Variants in GMPS observed in about 807,000 individuals in gnomAD.
The protein encoded by GMPS is guanosine monophosphate synthase.
Under a neutral mutation model 77.9 loss-of-function variants are expected in GMPS, and 15 were observed. That is an observed-to-expected ratio of 0.19 (90% CI 0.13 to 0.30). The LOEUF (loss-of-function observed/expected upper bound fraction) is 0.30, where lower values mean the gene tolerates loss of function less well. Ranked by LOEUF, GMPS falls within the 10% of genes least tolerant of loss-of-function variation. The pLI is 1.00. For synonymous variants in GMPS, 224 were observed against 275.9 expected, an observed-to-expected ratio of 0.81 and a Z score of 1.86; for missense variants, 590 against 838.8, an observed-to-expected ratio of 0.70 and a Z score of 3.66.
At chr3:155,898,134 G>C (rs552402087) in intron 3 of GMPS, 93 bp downstream of exon 3, 3 of 751,788 alleles carry the variant, frequency 4.0e-6, no homozygotes, top group Non-Finnish European at 7.3e-6. Flanking sequence ...AGGATATTTA[G>C]GATACTTAGT....
intron 1 of GMPS, among the ~76,000 whole-genome samples, chr3:155,880,092 T>C (rs1560035451): frequency 2.0e-5 from 3 of 152,180 alleles, no homozygotes; most frequent in Non-Finnish European, 4.4e-5. Context: ...GCTTAATTTA[T>C]TTCTTCTTTT....
rs1055155951 is a variant in GMPS, at chr3:155,936,281, T to G, written c.1808-57T>G. The G allele has an allele frequency of 2.8e-6, 3 of 1,064,848 alleles. No homozygotes were observed. The Admixed American group carries it at 5.3e-5, about 19-fold the overall frequency. The allele number at this position is 1,064,848 out of a possible 1,614,324, so 66.0% of individuals were successfully genotyped here. A position where few individuals can be genotyped will look rare whatever the true frequency, so the allele number is the denominator to read the frequency against. On this transcript the variant is annotated intron_variant, in intron 14 of 15. Transcript: ENST00000496455. ...ATTGCCTGGGAGGATTTAATTGAAC[T>G]GAGTTAGAGTGCTTTTCTATGGTGT...
intron 7 of GMPS, among the ~76,000 whole-genome samples, chr3:155,911,599 G>A (rs1323096330): frequency 6.6e-6 from 1 of 152,132 alleles, no homozygotes; most frequent in Non-Finnish European, 1.5e-5. Context: ...CACTTAGGGA[G>A]ATCAAGGTGG....
rs745840280 is a variant in GMPS, at chr3:155,897,907, G to C, written c.210-20G>C. ...TAAAAATTAACAGAGATTCTTCACT[G>C]ATTGTTCCTTAAATCACAGTGCTAT... On this transcript the variant is annotated intron_variant, in intron 2 of 15. Transcript: ENST00000496455. 3 of 1,164,218 alleles carry C rather than the reference G, an allele frequency of 2.6e-6. No homozygotes were observed. The African/African-American group carries it at 4.5e-5, about 18-fold the overall frequency. The allele number at this position is 1,164,218 out of a possible 1,614,324, so 72.1% of individuals were successfully genotyped here.
chr3:155,910,210 G>A (rs943454196), intron 5 of GMPS, among the ~76,000 whole-genome samples: 2 of 152,150 alleles, frequency 1.3e-5, no homozygotes, highest in Non-Finnish European at 2.9e-5. Flanking sequence ...TCGCACCGCT[G>A]CACTCCAGCC....
chr3:155,892,218 T>C (rs1361881798), intron 1 of GMPS, among the ~76,000 whole-genome samples: 1 of 152,196 alleles, frequency 6.6e-6, no homozygotes, highest in Admixed American at 6.5e-5. Context: ...ATACTCTTCC[T>C]TTTTTATACA....
In GMPS at chr3:155,941,550, G is replaced by T; in HGVS notation, c.*3858G>T. 4.5e-6 allele frequency: 1 copy of T among 220,474 alleles called. No individual in the cohort carries two copies. Among genetic ancestry groups the T allele is most frequent in the Non-Finnish European group, 9.1e-6 (1 of 110,026 alleles). The allele number at this position is 220,474 out of a possible 1,614,324, so 13.7% of individuals were successfully genotyped here. On this transcript the variant is annotated 3_prime_UTR_variant, in exon 16 of 16. Coordinates refer to ENST00000496455, the MANE Select transcript of GMPS (RefSeq NM_003875.3). ...ATTCTCTGACATCTGCTTGCGCAAT[G>T]TTATAACCACTTTCCCACACTACTC...
chr3:155,919,281 A>G lies in GMPS; in HGVS notation c.1261A>G (p.Ile421Val). The G allele has an allele frequency of 6.3e-7, 1 of 1,598,428 alleles. No homozygotes were observed. Among genetic ancestry groups the G allele is most frequent in the African/African-American group, 1.3e-5 (1 of 74,848 alleles). Residue 421 changes from isoleucine to valine, a missense_variant, in exon 10 of 16, where the codon ATT (isoleucine) becomes GTT (valine). By Grantham distance (29) the Ile-to-Val change is conservative (BLOSUM62 3). Transcript: ENST00000496455. ...AGATTTTCATAAAGATGAAGTGAGA[A>G]TTTTGGGCAGAGAACTTGGACTTCC... ...LKDFHKDEVR[I>V]LGRELGLPEE...
In GMPS at chr3:155,882,752, A is replaced by G. The variant is rs183828838; in HGVS notation, c.28-10766A>G. On this transcript the variant is annotated intron_variant, in intron 1 of 15. Transcript: ENST00000496455. ...ATGGATGCTTATATAAAACTTATGGATTCTTTTTTTGTCATGAACTGGTAA... is the reference window on the plus strand; with the variant it reads ...ATGGATGCTTATATAAAACTTATGGGTTCTTTTTTTGTCATGAACTGGTAA... Among the ~76,000 whole-genome samples the G allele has an allele frequency of 3.3e-5, 5 of 152,316 alleles. No individual in the cohort carries two copies. In the East Asian group the frequency reaches 9.6e-4, roughly 29 times the overall value.
chr3:155,888,205 AG>A lies in GMPS; in HGVS notation c.28-5311del, dbSNP rs1272716217. ...TGTGCTTTTAATCTAAAATACCCAA[AG>A]GCTTTTTTTTTTTTTTTTTAATCCA... is the stretch of plus-strand genomic sequence containing the variant. On this transcript the variant is annotated intron_variant, in intron 1 of 15. Coordinates refer to ENST00000496455, the MANE Select transcript of GMPS (RefSeq NM_003875.3). Among the ~76,000 whole-genome samples, 5 of 120,194 alleles carry A rather than the reference AG, an allele frequency of 4.2e-5. No individual in the cohort carries two copies. The South Asian group carries it at 7.3e-4, about 18-fold the overall frequency. 78.9% of individuals were successfully genotyped at this position (120,194 alleles called of 152,430 possible). A position where few individuals can be genotyped will look rare whatever the true frequency, so the allele number is the denominator to read the frequency against.
intron 1 of GMPS, among the ~76,000 whole-genome samples, chr3:155,893,249 T>A (rs1010287854): frequency 6.6e-6 from 1 of 152,236 alleles, no homozygotes; most frequent in Non-Finnish European, 1.5e-5. Context: ...CATTAGATCA[T>A]GCATGTAAGA....
intron 15 of GMPS, 34 bp downstream of exon 15, chr3:155,936,544 C>T: frequency 8.3e-7 from 1 of 1,206,188 alleles, no homozygotes; most frequent in Non-Finnish European, 1.2e-6. Context: ...TGCACGTTCT[C>T]AGTACCTCTT....
At chr3:155,882,974 G>T (rs775327773) in intron 1 of GMPS, among the ~76,000 whole-genome samples, 1 of 152,050 alleles carries the variant, frequency 6.6e-6, no homozygotes, top group Non-Finnish European at 1.5e-5. Context: ...AAAGAGACTG[G>T]GTTTATGAAG....
At chr3:155,905,579 T>A (rs1754856600) in intron 4 of GMPS, among the ~76,000 whole-genome samples, 1 of 152,198 alleles carries the variant, frequency 6.6e-6, no homozygotes, top group Non-Finnish European at 1.5e-5. Flanking sequence ...GGAAACAGAA[T>A]CATTAGTGTA....
chr3:155,886,022 C>T (rs1754325704), intron 1 of GMPS, among the ~76,000 whole-genome samples: 1 of 151,918 alleles, frequency 6.6e-6, no homozygotes, highest in Non-Finnish European at 1.5e-5. Context: ...GGTTTTGCCA[C>T]GTTGCCCAGG....
intron 7 of GMPS, among the ~76,000 whole-genome samples, chr3:155,913,650 A>T (rs1298218166): frequency 4.0e-5 from 6 of 151,496 alleles, no homozygotes; most frequent in African/African-American, 1.5e-4. Context: ...GCCTCTGAGT[A>T]GCTGGGATTG....
In GMPS at chr3:155,933,251, T is replaced by C. The variant is rs187858158; in HGVS notation, c.1676+1371T>C. On this transcript the variant is annotated intron_variant, in intron 13 of 15. Transcript: ENST00000496455. ...TGAACTTTAGATTTATTTGCTGGGGTCTTTTTGATGAATTGGAGTTTAAAA... is the reference window on the plus strand; with the variant it reads ...TGAACTTTAGATTTATTTGCTGGGGCCTTTTTGATGAATTGGAGTTTAAAA... 6.4e-3 allele frequency among the ~76,000 whole-genome samples: 975 copies of C among 152,086 alleles called. 17 individuals are homozygous for C. Among genetic ancestry groups the C allele is most frequent in the African/African-American group, 0.023 (947 of 41,492 alleles).
At chr3:155,909,107 T>A (rs1175534304) in intron 5 of GMPS, among the ~76,000 whole-genome samples, 2 of 152,068 alleles carry the variant, frequency 1.3e-5, no homozygotes, top group Non-Finnish European at 2.9e-5. Context: ...GTAGAATGAG[T>A]ATGAGTTTGG....
upstream of GMPS, among the ~76,000 whole-genome samples, chr3:155,870,300 AGG>A (rs746743318): frequency 2.0e-5 from 3 of 152,212 alleles, no homozygotes; most frequent in African/African-American, 4.8e-5. Context: ...AAGTCATCCA[AGG>A]TAGCAGGCAA....
Sources: gnomAD v4.1 joint callset for allele counts (sites outside exome capture counted in the v4.1 genomes callset) on GRCh38, gnomAD v4.1.1 for gene constraint, MANE v1.5 for transcripts, NCBI Gene and HGNC (gene_info 2026-07-23, HGNC 2026-07-21) for gene names.